Variants in PRDM11 observed in about 807,000 individuals in gnomAD.
The protein encoded by PRDM11 is PR domain-containing protein 11.
In PRDM11, 20 loss-of-function variants were observed where a neutral mutation model predicts 97.8. That is an observed-to-expected ratio of 0.20 (90% confidence interval 0.14 to 0.30). The LOEUF is 0.30. PRDM11 is among the 10% of genes least tolerant of loss of function. The pLI, the probability that PRDM11 is intolerant of heterozygous loss-of-function variation, is 1.00. For synonymous variants in PRDM11, 599 were observed against 637.7 expected (o/e 0.94, Z 0.91); for missense variants, 1,139 against 1,555.2 (o/e 0.73, Z 4.50).
At chr11:45,099,047 C>T (rs1851928378) in intron 1 of PRDM11, among the ~76,000 whole-genome samples, 1 of 152,038 alleles carries the variant, frequency 6.6e-6, no homozygotes. Context: ...GGATGTCTAG[C>T]CAGAGGGCTA....
intron 1 of PRDM11, among the ~76,000 whole-genome samples, chr11:45,148,937 C>T (rs536927356): frequency 2.6e-5 from 4 of 152,286 alleles, no homozygotes; most frequent in African/African-American, 9.6e-5. Flanking sequence ...ATCTTCCTCT[C>T]TAAACCTCTT....
chr11:45,174,075 C>G (rs1460608602), intron 1 of PRDM11, among the ~76,000 whole-genome samples: 1 of 152,164 alleles, frequency 6.6e-6, no homozygotes, highest in Non-Finnish European at 1.5e-5. Flanking sequence ...AACTTCACCT[C>G]TAACACCATA....
rs1854312997 is a variant in PRDM11, at chr11:45,227,826, G to T, written c.3201G>T (p.Arg1067Ser). 6.5e-7 allele frequency: 1 copy of T among 1,533,736 alleles called. No individual in the cohort carries two copies. Among genetic ancestry groups the T allele is most frequent in the Non-Finnish European group, 8.7e-7 (1 of 1,146,728 alleles). Residue 1067 changes from arginine to serine, a missense_variant, in exon 8 of 8, where the codon AGG becomes AGT. Arg to Ser is a moderately radical substitution (Grantham distance 110). Around this residue, in one of 2 missense-constraint regions of PRDM11, gnomAD observed 710 missense variants for 1,044.9 expected, o/e 0.68. Coordinates refer to ENST00000683152, the MANE Select transcript of PRDM11 (RefSeq NM_001384648.1). The surrounding 1 kb of genome is among the most constrained non-coding windows in gnomAD (Gnocchi z 8.0). Reference sequence around the variant, plus strand: ...GCCACATTTGCAAGTACAAACAGAGGTTTCCACTCTTGAACAAGATCATCC... The same window carrying T: ...GCCACATTTGCAAGTACAAACAGAGTTTTCCACTCTTGAACAAGATCATCC... The part of the protein sequence containing the change: ...LISHICKYKQ[R>S]FPLLNKIIQV...
chr11:45,211,041 C>T (rs1443620771), intron 5 of PRDM11, among the ~76,000 whole-genome samples: 2 of 152,218 alleles, frequency 1.3e-5, no homozygotes, highest in Non-Finnish European at 2.9e-5. Flanking sequence ...ACCCCCATGG[C>T]AGGCTCACAG....
At chr11:45,148,255 G>T (rs939297602) in intron 1 of PRDM11, among the ~76,000 whole-genome samples, 3 of 152,166 alleles carry the variant, frequency 2.0e-5, no homozygotes, top group Non-Finnish European at 2.9e-5. Context: ...CCTCCTCATA[G>T]TCACTGTCTG....
intron 1 of PRDM11, among the ~76,000 whole-genome samples, chr11:45,124,896 A>C (rs1448140002): frequency 6.6e-6 from 1 of 152,202 alleles, no homozygotes; most frequent in Admixed American, 6.5e-5. Flanking sequence ...ATTGATTGGA[A>C]TAGTTTCAGA....
chr11:45,124,395 G>A (rs1167621113), intron 1 of PRDM11, among the ~76,000 whole-genome samples: 4 of 152,050 alleles, frequency 2.6e-5, no homozygotes, highest in Non-Finnish European at 5.9e-5. Context: ...TAGGAGTGGT[G>A]AGAGAGGGCA....
chr11:45,169,878 C>T (rs1852159776), intron 1 of PRDM11, among the ~76,000 whole-genome samples: 1 of 152,182 alleles, frequency 6.6e-6, no homozygotes, highest in African/African-American at 2.4e-5. Context: ...GTAATCCATT[C>T]GATAAATGTT....
chr11:45,201,576 C>T (rs1232709097), intron 4 of PRDM11, among the ~76,000 whole-genome samples: 2 of 152,032 alleles, frequency 1.3e-5, no homozygotes, highest in Admixed American at 6.6e-5. Flanking sequence ...TTACTGCAGC[C>T]TCAAACTCTT....
At chr11:45,180,672 CG>C (rs1406063388) in intron 1 of PRDM11, among the ~76,000 whole-genome samples, 5 of 149,996 alleles carry the variant, frequency 3.3e-5, no homozygotes, top group Non-Finnish European at 6.0e-5. Flanking sequence ...GCCTGGCGGG[CG>C]GGGGGCGGGC....
intron 1 of PRDM11, among the ~76,000 whole-genome samples, chr11:45,101,570 G>T (rs9736028): frequency 1.4e-5 from 1 of 73,644 alleles, no homozygotes; most frequent in Non-Finnish European, 3.0e-5. Context: ...AAAAAAAAAA[G>T]AAGAAGAAGA....
At chr11:45,094,227 G>A (rs1374297438), upstream of PRDM11, among the ~76,000 whole-genome samples, 1 of 152,218 alleles carries the variant, frequency 6.6e-6, no homozygotes, top group African/African-American at 2.4e-5. Context: ...GGGGTGGGCT[G>A]GAATCACAGG....
intron 1 of PRDM11, among the ~76,000 whole-genome samples, chr11:45,172,072 C>G (rs1852215766): frequency 6.6e-6 from 1 of 152,220 alleles, no homozygotes; most frequent in Non-Finnish European, 1.5e-5. Context: ...ACCCCTTTCT[C>G]AGGTGTGATA....
chr11:45,152,427 T>G (rs932258681), intron 1 of PRDM11, among the ~76,000 whole-genome samples: 1 of 152,180 alleles, frequency 6.6e-6, no homozygotes, highest in Non-Finnish European at 1.5e-5. Flanking sequence ...GCTTCCTGCT[T>G]TTTTCTTTTT....
chr11:45,142,129 A>C (rs1851417016), upstream of PRDM11, among the ~76,000 whole-genome samples: 1 of 152,234 alleles, frequency 6.6e-6, no homozygotes, highest in South Asian at 2.1e-4. Context: ...TCCAGATGGC[A>C]ACCAAGGTGA....
chr11:45,194,590 C>CTTTTTTTTTTTTTTTTTTTTTTT lies in PRDM11; in HGVS notation c.487-10120_487-10119insTTTTTTTTTTTTTTTTTTTTTTT. Among the ~76,000 whole-genome samples the CTTTTTTTTTTTTTTTTTTTTTTT allele has an allele frequency of 2.2e-5, 2 of 89,992 alleles. 1 individual carries two copies. The highest frequency in any genetic ancestry group is 4.5e-5 in the Non-Finnish European group (2 of 44,720). 59.0% of individuals were successfully genotyped at this position (89,992 alleles called of 152,430 possible). The stretch of plus-strand genomic sequence containing the variant: ...AGTACTGTGGGATAGTTATTATCTT[C>CTTTTTTTTTTTTTTTTTTTTTTT]TGTTTTTTTTTTTTTTTTTTTTTTT... On this transcript the variant is annotated intron_variant, in intron 4 of 7. Coordinates refer to ENST00000683152, the MANE Select transcript of PRDM11 (RefSeq NM_001384648.1).
chr11:45,111,174 T>G (rs1257073635), intron 1 of PRDM11, among the ~76,000 whole-genome samples: 1 of 152,166 alleles, frequency 6.6e-6, no homozygotes, highest in Admixed American at 6.5e-5. Flanking sequence ...CATCTTTGAC[T>G]TACTGTGATG....
At chr11:45,209,329 G>A (rs768864859) in intron 5 of PRDM11, 10 of 334,032 alleles carry the variant, frequency 3.0e-5, no homozygotes, top group Middle Eastern at 4.5e-4. Flanking sequence ...CCACCCAGCC[G>A]GCTGCCTGCC....
chr11:45,226,286 T>G lies in PRDM11; in HGVS notation c.1661T>G (p.Ile554Ser). Residue 554 changes from isoleucine to serine, a missense_variant, in exon 8 of 8, where the codon ATT (isoleucine) becomes AGT (serine). Ile to Ser is a moderately radical substitution (Grantham distance 142). Transcript: ENST00000683152. ...ATCATTGGCTCCAAGCAGTTTAAGA[T>G]TCACACCATCAAACTTCACAGCCAG... The part of the protein sequence containing the change: ...AFIIGSKQFK[I>S]HTIKLHSQSN... 6.5e-7 allele frequency: 1 copy of G among 1,533,948 alleles called. No individual in the cohort carries two copies. The highest frequency in any genetic ancestry group is 1.2e-5 in the South Asian group (1 of 83,974).
Sources: gnomAD v4.1 joint callset for allele counts (sites outside exome capture counted in the v4.1 genomes callset) on GRCh38, gnomAD v4.1.1 for gene constraint, gnomAD v4.1.1 regional missense constraint, Gnocchi (gnomAD v3.1) non-coding constraint, MANE v1.5 for transcripts, NCBI Gene and HGNC (gene_info 2026-07-23, HGNC 2026-07-21) for gene names.